The following CIZ1 variants were observed in gnomAD, a reference collection of about 807,000 sequenced individuals.
CIZ1 encodes cip1-interacting zinc finger protein.
A neutral mutation model predicts 118.6 loss-of-function variants in CIZ1; 58 were observed. The observed-to-expected ratio is 0.49, with a 90% CI of 0.40 to 0.61. The LOEUF (loss-of-function observed/expected upper bound fraction) is 0.61. Ranked by LOEUF, CIZ1 falls within the 20% of genes least tolerant of loss-of-function variation. CIZ1 has a pLI of 0.00. For missense variants in CIZ1, 921 were observed against 1,115.9 expected (o/e 0.83, Z 2.49); for synonymous variants, 448 against 443.4 (o/e 1.01, Z -0.13).
chr9:128,199,611 A>C (rs536033875), intron 1 of CIZ1, among the ~76,000 whole-genome samples: 46 of 152,022 alleles, frequency 3.0e-4, no homozygotes, highest in Non-Finnish European at 6.2e-4. Context: ...TGGCTGAGGC[A>C]GGAAGCCTAC....
At chr9:128,171,415 A>T (rs1830101573) in intron 11 of CIZ1, among the ~76,000 whole-genome samples, 2 of 149,502 alleles carry the variant, frequency 1.3e-5, no homozygotes, top group Non-Finnish European at 3.0e-5. Flanking sequence ...TGACAGAGAG[A>T]GACCCGGTCT....
intron 1 of CIZ1, chr9:128,197,703 C>G (rs895864778): frequency 2.6e-5 from 4 of 152,270 alleles, no homozygotes; most frequent in Non-Finnish European, 4.4e-5. Flanking sequence ...TTACCGCATC[C>G]AGTCACACCC....
intron 5 of CIZ1, 81 bp downstream of exon 5, chr9:128,185,466 C>T: frequency 1.1e-6 from 1 of 903,934 alleles, no homozygotes; most frequent in Non-Finnish European, 1.7e-6. Flanking sequence ...TCCGAAGGCC[C>T]AGACTGAGCC....
At chr9:128,204,183 C>T (rs1283060306) in intron 1 of CIZ1, 1 of 152,646 alleles carries the variant, frequency 6.6e-6, no homozygotes, top group Non-Finnish European at 1.5e-5. Context: ...AGCACACACA[C>T]ACCTCTGCGG....
upstream of CIZ1, chr9:128,191,644 G>A (rs1002120714): frequency 1.6e-6 from 2 of 1,226,178 alleles, no homozygotes; most frequent in Non-Finnish European, 2.0e-6. This position sits in a 1 kb window ranked among gnomAD's most constrained non-coding sequence, Gnocchi z 5.5. Context: ...CTCCGGCCGC[G>A]CCACCCGAGC....
chr9:128,181,906 C>T (rs1831700822), intron 5 of CIZ1, among the ~76,000 whole-genome samples: 1 of 152,206 alleles, frequency 6.6e-6, no homozygotes, highest in Non-Finnish European at 1.5e-5. Flanking sequence ...TGCTGTGCTT[C>T]AGTGGTCACG....
intron 5 of CIZ1, among the ~76,000 whole-genome samples, chr9:128,181,437 T>A (rs899849282): frequency 3.3e-5 from 5 of 152,214 alleles, no homozygotes; most frequent in African/African-American, 1.2e-4. Flanking sequence ...CAGATATAGA[T>A]CTTAGATATG....
intron 11 of CIZ1, among the ~76,000 whole-genome samples, chr9:128,171,450 G>A (rs748329361): frequency 2.2e-4 from 33 of 148,792 alleles, no homozygotes; most frequent in South Asian, 1.3e-3. Flanking sequence ...AAATAGGGCC[G>A]GGCACGGTGG....
intron 10 of CIZ1, 27 bp downstream of exon 10, chr9:128,177,539 C>CCCCCCCCCAA: frequency 1.0e-6 from 1 of 971,090 alleles, no homozygotes; most frequent in East Asian, 3.1e-5. Flanking sequence ...CCCCACCCCT[C>CCCCCCCCCAA]CCCACCCTTA....
At chr9:128,192,998 C>T (rs1319841324), upstream of CIZ1, among the ~76,000 whole-genome samples, 1 of 152,192 alleles carries the variant, frequency 6.6e-6, no homozygotes, top group African/African-American at 2.4e-5. Flanking sequence ...AGCGCGTTGA[C>T]GGAGGGCGCT....
At chr9:128,178,002 A>G (rs45484693) in intron 9 of CIZ1, among the ~76,000 whole-genome samples, 252 of 152,268 alleles carry the variant, frequency 1.7e-3, no homozygotes, top group African/African-American at 5.9e-3. Context: ...ATGGGGAAAC[A>G]GACTCAGGAG....
chr9:128,172,023 G>T (rs1830180802), intron 11 of CIZ1, among the ~76,000 whole-genome samples: 1 of 151,778 alleles, frequency 6.6e-6, no homozygotes, highest in African/African-American at 2.4e-5. Flanking sequence ...GCATACCGCT[G>T]GTTCACGCCT....
In CIZ1 at chr9:128,185,605, GA is replaced by G; in HGVS notation, c.529del (p.Ser177GlnfsTer86). 1 of 1,541,484 alleles carries G rather than the reference GA, an allele frequency of 6.5e-7. No individual in the cohort carries two copies. Among genetic ancestry groups the G allele is most frequent in the Non-Finnish European group, 8.7e-7 (1 of 1,144,006 alleles). ...GGCCTGTTTCTGGGGGTTCCGTCCTGAAAGGTTGAACTGGGAAGGGTTCATG... is the reference window on the plus strand; with the variant it reads ...GGCCTGTTTCTGGGGGTTCCGTCCTGAAGGTTGAACTGGGAAGGGTTCATG... Reference protein sequence around the residue: ...VPMNPSQFNLSGRNPQKQART... With the variant: ...VPMNPSQFNLXGRNPQKQART... On this transcript the variant is annotated frameshift_variant, in exon 5 of 17. Transcript: ENST00000372938. LOFTEE classifies it high-confidence loss of function.
Position 128,180,739 on chromosome 9 carries a change from G to C in CIZ1, c.664C>G (p.Arg222Gly). Residue 222 changes from arginine to glycine, a missense_variant, in exon 6 of 17, where the codon CGG becomes GGG. Coordinates refer to ENST00000372938, the MANE Select transcript of CIZ1 (RefSeq NM_001131016.2). The stretch of plus-strand genomic sequence containing the variant: ...CCCTCACCTTCTGGTGTGTCCATCC[G>C]GGGCTCTGCGGCTTCCTCAGACCCC... ...PEGSEEAAEP[R>G]MDTPEDQDLP... 1 of 1,608,556 alleles carries C rather than the reference G, an allele frequency of 6.2e-7. No individual in the cohort carries two copies. The highest frequency in any genetic ancestry group is 8.5e-7 in the Non-Finnish European group (1 of 1,178,064).
At chr9:128,197,161 A>G (rs1036152261) in intron 1 of CIZ1, 1 of 152,182 alleles carries the variant, frequency 6.6e-6, no homozygotes, top group African/African-American at 2.4e-5. Flanking sequence ...CCAGCTCAGA[A>G]CCCTGCACAT....
At chr9:128,195,665 T>G (rs1379471537), upstream of CIZ1, among the ~76,000 whole-genome samples, 2 of 152,162 alleles carry the variant, frequency 1.3e-5, no homozygotes, top group African/African-American at 4.8e-5. Context: ...TCCCTTCTCA[T>G]GGACTCTATC....
At chr9:128,168,102 C>G (rs1026945768) in intron 14 of CIZ1, among the ~76,000 whole-genome samples, 1 of 152,236 alleles carries the variant, frequency 6.6e-6, no homozygotes, top group African/African-American at 2.4e-5. Flanking sequence ...TGGCCCCTCA[C>G]CACCCTGGAC....
chr9:128,171,237 G>C (rs1280481571), intron 11 of CIZ1, among the ~76,000 whole-genome samples: 2 of 151,356 alleles, frequency 1.3e-5, no homozygotes, highest in African/African-American at 2.4e-5. Flanking sequence ...TCCAAGACCA[G>C]CCTAGGCAAC....
chr9:128,175,968 G>C (rs1038658139), intron 11 of CIZ1, among the ~76,000 whole-genome samples: 25 of 152,126 alleles, frequency 1.6e-4, no homozygotes, highest in African/African-American at 5.3e-4. Flanking sequence ...GACAATGAAA[G>C]GGGGAGACAC....
Sources: gnomAD v4.1 joint callset for allele counts (sites outside exome capture counted in the v4.1 genomes callset) on GRCh38, gnomAD v4.1.1 for gene constraint, Gnocchi (gnomAD v3.1) non-coding constraint, MANE v1.5 for transcripts, NCBI Gene and HGNC (gene_info 2026-07-23, HGNC 2026-07-21) for gene names.